The following LAMB4 variants were observed in gnomAD, a reference collection of about 807,000 sequenced individuals.
LAMB4 encodes laminin subunit beta-4.
A neutral mutation model predicts 199.2 loss-of-function variants in LAMB4; 196 were observed. The ratio of observed to expected loss-of-function variants is 0.98; its 90% CI spans 0.88 to 1.11. The LOEUF (loss-of-function observed/expected upper bound fraction) is 1.11, where lower values mean the gene tolerates loss of function less well. Among genes scored for constraint, LAMB4 ranks in the 50% least tolerant of loss-of-function variants. The pLI is 0.00. For synonymous variants in LAMB4, 744 were observed against 770.6 expected, an observed-to-expected ratio of 0.97 and a Z score of 0.57; for missense variants, 2,080 against 2,171.2, an observed-to-expected ratio of 0.96 and a Z score of 0.83.
chr7:108,122,374 T>C (rs899512941), intron 2 of LAMB4, among the ~76,000 whole-genome samples: 1 of 152,182 alleles, frequency 6.6e-6, no homozygotes, highest in African/African-American at 2.4e-5. Context: ...CTGTTCCCAC[T>C]GGGCTGTGGC....
Position 108,043,998 on chromosome 7 carries a change from TA to T in LAMB4, c.4327-103del, listed in dbSNP as rs1053011426. 3.1e-6 allele frequency: 3 copies of T among 952,910 alleles called. No homozygotes were observed. In the African/African-American group the frequency reaches 5.2e-5, roughly 17 times the overall value. 59.0% of individuals were successfully genotyped at this position (952,910 alleles called of 1,614,324 possible). ...TAGCTGGACCAAATAAAACTGTCAC[TA>T]AAAACTAAATAAAAGTCTAGATAAA... On this transcript the variant is annotated intron_variant, in intron 28 of 33. Coordinates refer to ENST00000388781, the MANE Select transcript of LAMB4 (RefSeq NM_007356.3).
intron 30 of LAMB4, among the ~76,000 whole-genome samples, chr7:108,036,805 C>A (rs2035246267): frequency 6.6e-6 from 1 of 151,760 alleles, no homozygotes. Context: ...TTTCATCTTG[C>A]AGTACTCCTG....
intron 3 of LAMB4, among the ~76,000 whole-genome samples, chr7:108,112,472 T>C (rs1392566676): frequency 1.4e-5 from 2 of 148,058 alleles, no homozygotes; most frequent in Admixed American, 1.4e-4. Flanking sequence ...TTTGTATTTT[T>C]ATTAGAGACA....
chr7:108,029,015 T>C, intron 33 of LAMB4, 28 bp downstream of exon 33: 3 of 1,596,890 alleles, frequency 1.9e-6, no homozygotes, highest in Non-Finnish European at 2.6e-6. Flanking sequence ...TATTATCAAA[T>C]TGGCAGGATG....
chr7:108,033,784 T>A (rs544747739), intron 31 of LAMB4, among the ~76,000 whole-genome samples: 1 of 150,994 alleles, frequency 6.6e-6, no homozygotes, highest in Admixed American at 6.6e-5. Flanking sequence ...CTGATGAGAT[T>A]TCATGCACAT....
chr7:108,115,749 G>T (rs2038380775), intron 3 of LAMB4, among the ~76,000 whole-genome samples: 7 of 152,154 alleles, frequency 4.6e-5, no homozygotes, highest in Admixed American at 4.6e-4. Context: ...AAAGTACATG[G>T]GAGGATATAG....
intron 11 of LAMB4, among the ~76,000 whole-genome samples, chr7:108,095,873 G>A (rs949270957): frequency 6.6e-6 from 1 of 152,170 alleles, no homozygotes; most frequent in African/African-American, 2.4e-5. Flanking sequence ...TACACTTGCA[G>A]CAAATACCAA....
intron 11 of LAMB4, 60 bp downstream of exon 11, chr7:108,098,343 A>AAACG (rs1554444172): frequency 5.1e-5 from 30 of 589,702 alleles, no homozygotes; most frequent in Non-Finnish European, 7.4e-5. Flanking sequence ...AAAAACAGAC[A>AAACG]AACCAACCAA....
In LAMB4 at chr7:108,055,810, C is replaced by T; in HGVS notation, c.3577G>A (p.Val1193Met). The change falls in exon 25 of 34, where the codon GTG becomes ATG. Residue 1193 changes from valine (V) to methionine (M), a missense_variant. Coordinates refer to ENST00000388781, the MANE Select transcript of LAMB4 (RefSeq NM_007356.3). ...GCAGCCAGTCTCATTAACCCTTGCA[C>T]CGCTTTGGAGAGGGAAGAAATGGTG... ...DHTISSLSKA[V>M]QGLMRLAANM... 6.2e-7 allele frequency: 1 copy of T among 1,614,194 alleles called. No homozygotes were observed. The highest frequency in any genetic ancestry group is 8.5e-7 in the Non-Finnish European group (1 of 1,180,032).
intron 21 of LAMB4, among the ~76,000 whole-genome samples, chr7:108,064,484 G>C (rs1239088558): frequency 6.6e-6 from 1 of 152,162 alleles, no homozygotes; most frequent in Non-Finnish European, 1.5e-5. Context: ...GCCCTTGAGG[G>C]TGTTTCTGTT....
chr7:108,052,022 G>A (rs911529124), intron 26 of LAMB4, 75 bp downstream of exon 26: 8 of 1,213,490 alleles, frequency 6.6e-6, no homozygotes, highest in Admixed American at 4.3e-5. Context: ...AGCAGGGGAC[G>A]ACTCACTAAT....
intron 3 of LAMB4, among the ~76,000 whole-genome samples, chr7:108,112,630 G>C (rs138412468): frequency 1.3e-5 from 2 of 152,290 alleles, no homozygotes; most frequent in African/African-American, 2.4e-5. Context: ...AACAGCAAAG[G>C]CTGGCCTTTG....
At position 108,055,650 on chromosome 7, in the gene LAMB4, T is replaced by G; in HGVS notation, c.3737A>C (p.Asp1246Ala). Residue 1246 changes from aspartate to alanine, a missense_variant, in exon 25 of 34, where the codon GAT becomes GCT. By Grantham distance (126) the Asp-to-Ala change is moderately radical. Transcript: ENST00000388781. ...ATCTTACCTAACAGAGTCATGATAA[T>G]CCTTGACTTTTAAGAATTTCCCAGA... The part of the protein sequence containing the change: ...FPSGKFLKVK[D>A]YHDSVRRQIM... 6.2e-7 allele frequency: 1 copy of G among 1,613,544 alleles called. No individual in the cohort carries two copies. The highest frequency in any genetic ancestry group is 2.2e-5 in the East Asian group (1 of 44,884).
At position 108,130,294 on chromosome 7, in the gene LAMB4, G is replaced by A. The variant is rs1328283835; in HGVS notation, c.-34+12C>T. On this transcript the variant is annotated intron_variant, in intron 1 of 33. Transcript: ENST00000388781. ...ATGCCAATTTGCTAGTGAGAGAGCA[G>A]GCAAGACTTACCAGGATCTGGGAGT... 1 of 152,170 alleles carries A rather than the reference G, an allele frequency of 6.6e-6. No homozygotes were observed. The highest frequency in any genetic ancestry group is 1.5e-5 in the Non-Finnish European group (1 of 68,042). The allele number at this position is 152,170 out of a possible 1,614,324, so 9.4% of individuals were successfully genotyped here. A position where few individuals can be genotyped will look rare whatever the true frequency, so the allele number is the denominator to read the frequency against.
chr7:108,112,244 A>G (rs1486373603), intron 3 of LAMB4, among the ~76,000 whole-genome samples: 2 of 152,190 alleles, frequency 1.3e-5, no homozygotes, highest in African/African-American at 4.8e-5. Context: ...TACACAACTA[A>G]TATGAAGAAA....
intron 1 of LAMB4, among the ~76,000 whole-genome samples, chr7:108,129,624 A>G (rs1193070670): frequency 6.6e-6 from 1 of 151,816 alleles, no homozygotes; most frequent in East Asian, 1.9e-4. Context: ...TGCAACCTCA[A>G]CCTCCCATGC....
intron 17 of LAMB4, among the ~76,000 whole-genome samples, chr7:108,074,016 G>C (rs1272949721): frequency 6.6e-6 from 1 of 152,154 alleles, no homozygotes; most frequent in Admixed American, 6.6e-5. Flanking sequence ...TTTGCATCCA[G>C]GGAGGTTCAA....
intron 25 of LAMB4, 123 bp from the exon 26 acceptor site, chr7:108,052,380 T>C: frequency 1.5e-6 from 1 of 661,582 alleles, no homozygotes; most frequent in Non-Finnish European, 2.4e-6. Flanking sequence ...TTCCTTCTAC[T>C]CGAGTTTTTC....
chr7:108,109,244 C>T lies in LAMB4; in HGVS notation c.329G>A (p.Gly110Asp), dbSNP rs758153245. The change falls in exon 5 of 34, where the codon GGT becomes GAT. Residue 110 changes from glycine to aspartate, a missense_variant and splice_region_variant. Coordinates refer to ENST00000388781, the MANE Select transcript of LAMB4 (RefSeq NM_007356.3). Reference protein sequence around the residue: ...REKKWWQSENGLDHVSIRLDL... With the variant: ...REKKWWQSENDLDHVSIRLDL... ...CAGTCTGATGCTGACATGATCAAGA[C>T]CTAAGGAAGAATCCAGAAAGAAGAA... The T allele has an allele frequency of 2.5e-6, 4 of 1,609,714 alleles. No homozygotes were observed. The South Asian group carries it at 4.4e-5, about 18-fold the overall frequency.
Sources: gnomAD v4.1 joint callset for allele counts (sites outside exome capture counted in the v4.1 genomes callset) on GRCh38, gnomAD v4.1.1 for gene constraint, MANE v1.5 for transcripts, NCBI Gene and HGNC (gene_info 2026-07-23, HGNC 2026-07-21) for gene names.